The following SND1 variants were observed in gnomAD, a reference collection of about 807,000 sequenced individuals.
SND1 encodes staphylococcal nuclease and tudor domain containing 1.
SND1 carries 38 observed loss-of-function variants against 121.7 expected under a neutral mutation model. The observed-to-expected ratio is 0.31, with a 90% CI of 0.24 to 0.41. SND1 has a LOEUF of 0.41. Ranked by LOEUF, SND1 falls within the 10% of genes least tolerant of loss-of-function variation. The pLI is 1.00. For synonymous variants in SND1, 401 were observed against 447.4 expected, an observed-to-expected ratio of 0.90 and a Z score of 1.31; for missense variants, 868 against 1,184.6, an observed-to-expected ratio of 0.73 and a Z score of 3.92.
chr7:127,675,782 C>T (rs564111110), intron 1 of SND1, among the ~76,000 whole-genome samples: 27 of 152,150 alleles, frequency 1.8e-4, no homozygotes, highest in East Asian at 7.7e-4. Context: ...GATTTTCTTT[C>T]GACAGCTGGG....
intron 11 of SND1, among the ~76,000 whole-genome samples, chr7:127,817,848 A>G (rs1039337705): frequency 3.5e-5 from 5 of 144,642 alleles, no homozygotes; most frequent in African/African-American, 1.0e-4. Flanking sequence ...CTGTTGTAGT[A>G]GTTCCCAGGT....
intron 11 of SND1, among the ~76,000 whole-genome samples, chr7:127,828,966 G>A (rs1798692209): frequency 6.6e-6 from 1 of 152,184 alleles, no homozygotes; most frequent in African/African-American, 2.4e-5. Context: ...TTAGAGGTAG[G>A]GGCGGAAGAG....
chr7:128,047,023 G>C (rs1370994523), intron 16 of SND1, among the ~76,000 whole-genome samples: 1 of 151,986 alleles, frequency 6.6e-6, no homozygotes, highest in East Asian at 1.9e-4. Context: ...GATTTTGATG[G>C]GTTTTTATAA....
chr7:127,711,553 GTTCCAACAT>G (rs1796297307), intron 9 of SND1, among the ~76,000 whole-genome samples: 1 of 152,024 alleles, frequency 6.6e-6, no homozygotes, highest in African/African-American at 2.4e-5. Context: ...TGATCCTAGT[GTTCCAACAT>G]TTCATAGCGA....
intron 20 of SND1, chr7:128,086,734 T>G (rs1793693565): frequency 1.6e-6 from 1 of 615,538 alleles, no homozygotes. Flanking sequence ...GAGCTCCCCA[T>G]CTACTGCTGG....
At chr7:128,071,314 A>G in intron 16 of SND1, among the ~76,000 whole-genome samples, 1 of 152,254 alleles carries the variant, frequency 6.6e-6, no homozygotes, top group East Asian at 1.9e-4. Context: ...TATTGTGACC[A>G]GAGGCTCACA....
chr7:128,062,116 T>C (rs1221945056), intron 16 of SND1, among the ~76,000 whole-genome samples: 1 of 152,254 alleles, frequency 6.6e-6, no homozygotes, highest in Non-Finnish European at 1.5e-5. Flanking sequence ...TGGACTTTTT[T>C]ATTCTGTGTC....
chr7:127,724,020 A>G (rs1246288197), intron 10 of SND1, among the ~76,000 whole-genome samples: 1 of 152,236 alleles, frequency 6.6e-6, no homozygotes, highest in African/African-American at 2.4e-5. Context: ...ACATGAGGCT[A>G]GTGGCTACCA....
chr7:128,006,239 C>T (rs1213659076), intron 16 of SND1, among the ~76,000 whole-genome samples: 10 of 151,962 alleles, frequency 6.6e-5, no homozygotes, highest in Admixed American at 4.6e-4. Flanking sequence ...TGCGTGCGTG[C>T]GTGCGTGTGT....
chr7:127,966,276 C>T (rs1482086534), intron 15 of SND1, among the ~76,000 whole-genome samples: 1 of 151,268 alleles, frequency 6.6e-6, no homozygotes, highest in Non-Finnish European at 1.5e-5. Flanking sequence ...ACCCCACTGT[C>T]AACATTAGAC....
chr7:127,655,909 A>T (rs1304062602), intron 1 of SND1, among the ~76,000 whole-genome samples: 2 of 152,194 alleles, frequency 1.3e-5, no homozygotes, highest in Non-Finnish European at 2.9e-5. Context: ...TTCTGTGCTT[A>T]TCAGAAGCAG....
At position 127,674,113 on chromosome 7, in the gene SND1, T is replaced by TCTCCTTTCCTGCCTTCCTCC. The variant is rs1178788973; in HGVS notation, c.79-12495_79-12476dup. ...TCCTCTCTCCCTTCCTGCCTTGCTC[T>TCTCCTTTCCTGCCTTCCTCC]CTCCTTTCCTGCCTTCCTCCCTCCC... On this transcript the variant is annotated intron_variant, in intron 1 of 23. Transcript: ENST00000354725. Among the ~76,000 whole-genome samples the TCTCCTTTCCTGCCTTCCTCC allele has an allele frequency of 6.6e-4, 100 of 151,062 alleles. 1 individual carries two copies. The East Asian group carries it at 0.016, about 24-fold the overall frequency.
In SND1 at chr7:127,714,075, T is replaced by C. The variant is rs141108717; in HGVS notation, c.1038+6428T>C. Among the ~76,000 whole-genome samples, 3 of 151,866 alleles carry C rather than the reference T, an allele frequency of 2.0e-5. 1 individual carries two copies. The highest frequency in any genetic ancestry group is 1.3e-4 in the Admixed American group (2 of 15,262). On this transcript the variant is annotated intron_variant, in intron 9 of 23. Transcript: ENST00000354725. ...GCAGATTTCACAGACCTGAATAACA[T>C]TGTTGTGGGGGGTGGGGGAGGGATG...
Position 128,057,006 on chromosome 7 carries a change from A to G in SND1, c.1780-17496A>G, listed in dbSNP as rs147731084. Among the ~76,000 whole-genome samples, 616 of 152,258 alleles carry G rather than the reference A, an allele frequency of 4.0e-3. 3 individuals are homozygous for G. The highest frequency in any genetic ancestry group is 0.014 in the African/African-American group (590 of 41,548). Reference sequence around the variant, plus strand: ...AGTGAGTTACAGGCGGGTAGCATCTACAGCCTGGATATGCTGGACTGAGGG... The same window carrying G: ...AGTGAGTTACAGGCGGGTAGCATCTGCAGCCTGGATATGCTGGACTGAGGG... On this transcript the variant is annotated intron_variant, in intron 16 of 23. Transcript: ENST00000354725.
chr7:127,825,129 G>A (rs940078250), intron 11 of SND1, among the ~76,000 whole-genome samples: 1 of 151,884 alleles, frequency 6.6e-6, no homozygotes, highest in South Asian at 2.1e-4. Context: ...TTTTAAATAA[G>A]AGACAGAGCC....
At chr7:127,918,392 CTTAG>C in intron 14 of SND1, among the ~76,000 whole-genome samples, 1 of 152,008 alleles carries the variant, frequency 6.6e-6, no homozygotes, top group African/African-American at 2.4e-5. Flanking sequence ...GAAACAAAAC[CTTAG>C]GCATATTTTT....
chr7:128,007,973 A>G (rs936875403), intron 16 of SND1: 1 of 152,196 alleles, frequency 6.6e-6, no homozygotes, highest in African/African-American at 2.4e-5. Flanking sequence ...CACATGGTAA[A>G]TTTCATGGTA....
chr7:127,662,398 A>G (rs777157068), intron 1 of SND1, among the ~76,000 whole-genome samples: 13 of 151,846 alleles, frequency 8.6e-5, no homozygotes, highest in Non-Finnish European at 1.5e-4. Flanking sequence ...TATATTATCT[A>G]TTTTTCTGTT....
chr7:127,825,659 G>A (rs898349124), intron 11 of SND1, among the ~76,000 whole-genome samples: 8 of 151,730 alleles, frequency 5.3e-5, no homozygotes, highest in Non-Finnish European at 8.8e-5. Flanking sequence ...CGCCCACCCC[G>A]GCCTCCCAAA....
Sources: allele counts gnomAD v4.1 joint callset (sites outside exome capture counted in the v4.1 genomes callset), GRCh38; gene constraint gnomAD v4.1.1; transcripts MANE v1.5; gene names NCBI Gene and HGNC (gene_info 2026-07-23, HGNC 2026-07-21).